GOLIM4: variants seen among roughly 807,000 people sequenced by gnomAD.
GOLIM4 encodes 130 kDa golgi-localized phosphoprotein.
A neutral mutation model predicts 107.4 loss-of-function variants in GOLIM4; 71 were observed. The observed-to-expected ratio is 0.66, with a 90% CI of 0.55 to 0.81. The LOEUF is 0.81. Among genes scored for constraint, GOLIM4 ranks in the 30% least tolerant of loss-of-function variants. The pLI is 0.00. For missense variants in GOLIM4, 830 were observed against 826.1 expected, an observed-to-expected ratio of 1.00 and a Z score of -0.06; for synonymous variants, 327 against 294.8, an observed-to-expected ratio of 1.11 and a Z score of -1.12.
intron 6 of GOLIM4, chr3:168,041,076 T>C (rs188444339): frequency 4.0e-6 from 2 of 504,550 alleles, no homozygotes; most frequent in Admixed American, 7.2e-5. Flanking sequence ...AATATCATAA[T>C]CATTTATTTA....
intron 8 of GOLIM4, among the ~76,000 whole-genome samples, chr3:168,034,852 GC>G (rs1718552114): frequency 6.6e-6 from 1 of 152,206 alleles, no homozygotes; most frequent in Non-Finnish European, 1.5e-5. Context: ...TCTGCCTGCT[GC>G]CATCCATGGA....
In GOLIM4 at chr3:168,048,373, A is replaced by G. The variant is rs748436034; in HGVS notation, c.188-8T>C. On this transcript the variant is annotated splice_region_variant and splice_polypyrimidine_tract_variant and intron_variant, in intron 1 of 15. Transcript: ENST00000470487. ...ATCTGTGTTCATATACAACTGGAAA[A>G]AAAGTTAACATTTTTGTCTTCAAAG... 1.5e-6 allele frequency: 2 copies of G among 1,371,378 alleles called. No homozygotes were observed. The highest frequency in any genetic ancestry group is 4.3e-5 in the Admixed American group (2 of 46,658). The allele number at this position is 1,371,378 out of a possible 1,614,324, so 85.0% of individuals were successfully genotyped here.
At chr3:168,089,697 G>A (rs1001972068) in intron 1 of GOLIM4, among the ~76,000 whole-genome samples, 4 of 151,414 alleles carry the variant, frequency 2.6e-5, no homozygotes, top group African/African-American at 9.7e-5. Context: ...TACTACATAG[G>A]TACTACCAGG....
intron 10 of GOLIM4, 61 bp from the exon 11 acceptor site, chr3:168,029,363 T>C: frequency 2.9e-6 from 3 of 1,016,980 alleles, no homozygotes; most frequent in East Asian, 4.8e-5. Flanking sequence ...CAGTTTGACA[T>C]AGGTCATTTA....
At chr3:168,077,511 C>T (rs774724489) in intron 1 of GOLIM4, among the ~76,000 whole-genome samples, 1 of 152,206 alleles carries the variant, frequency 6.6e-6, no homozygotes, top group Non-Finnish European at 1.5e-5. Context: ...CAGCCAAGCC[C>T]TGCCCACCAT....
At chr3:168,057,152 C>A (rs1452152612) in intron 1 of GOLIM4, among the ~76,000 whole-genome samples, 4 of 152,154 alleles carry the variant, frequency 2.6e-5, no homozygotes, top group Non-Finnish European at 5.9e-5. Context: ...AAAGGAGTTT[C>A]CCTGCACAAG....
chr3:168,049,059 T>C (rs547027721), intron 1 of GOLIM4, among the ~76,000 whole-genome samples: 9 of 152,306 alleles, frequency 5.9e-5, no homozygotes, highest in Admixed American at 2.6e-4. Flanking sequence ...CAAACCGATG[T>C]TCGGTTCTGT....
chr3:168,044,939 A>G, intron 3 of GOLIM4, 58 bp from the exon 4 acceptor site: 2 of 954,066 alleles, frequency 2.1e-6, no homozygotes, highest in Non-Finnish European at 3.2e-6. Context: ...CTTGTTAAAT[A>G]CAGCTTAAAG....
intron 1 of GOLIM4, among the ~76,000 whole-genome samples, chr3:168,057,981 A>G (rs1286599791): frequency 1.3e-5 from 2 of 152,224 alleles, no homozygotes; most frequent in Non-Finnish European, 2.9e-5. Flanking sequence ...CATGTCCCAG[A>G]AAAGAGATAG....
In GOLIM4 at chr3:168,020,387, G is replaced by A. The variant is rs141838168; in HGVS notation, c.1860+4139C>T. ...TCTCTAAACAGTATGATCCTGAGCC[G>A]TCAGAATCAGCTGGTGGTGGGCGGG... On this transcript the variant is annotated intron_variant, in intron 14 of 15. Coordinates refer to ENST00000470487, the MANE Select transcript of GOLIM4 (RefSeq NM_014498.5). Among the ~76,000 whole-genome samples, 232 of 152,258 alleles carry A rather than the reference G, an allele frequency of 1.5e-3. No individual in the cohort carries two copies. The East Asian group carries it at 0.019, about 12-fold the overall frequency.
intron 1 of GOLIM4, among the ~76,000 whole-genome samples, chr3:168,082,454 C>T (rs981728309): frequency 5.9e-5 from 9 of 152,106 alleles, no homozygotes; most frequent in African/African-American, 2.2e-4. Flanking sequence ...TATGTACTCA[C>T]AAATACTACC....
intron 1 of GOLIM4, among the ~76,000 whole-genome samples, chr3:168,068,041 C>T (rs1402254341): frequency 6.6e-6 from 1 of 152,004 alleles, no homozygotes; most frequent in Non-Finnish European, 1.5e-5. Flanking sequence ...TAATTTTACA[C>T]ATTTTTAACT....
intron 1 of GOLIM4, among the ~76,000 whole-genome samples, chr3:168,087,114 C>A (rs1281957969): frequency 6.6e-6 from 1 of 152,136 alleles, no homozygotes; most frequent in Admixed American, 6.5e-5. Context: ...TACACTCATG[C>A]AAAACCTGTA....
intron 7 of GOLIM4, among the ~76,000 whole-genome samples, chr3:168,037,350 A>G (rs188376912): frequency 6.6e-6 from 1 of 152,274 alleles, no homozygotes; most frequent in African/African-American, 2.4e-5. Flanking sequence ...AAACTCATAT[A>G]ATTATAAAAA....
intron 1 of GOLIM4, among the ~76,000 whole-genome samples, chr3:168,062,557 G>A (rs1000378434): frequency 5.3e-5 from 8 of 152,000 alleles, no homozygotes; most frequent in East Asian, 1.9e-4. Flanking sequence ...ATACCTAACC[G>A]CATTAAACAG....
chr3:168,010,492 G>A, intron 15 of GOLIM4, 74 bp from the exon 16 acceptor site: 1 of 1,075,548 alleles, frequency 9.3e-7, no homozygotes, highest in South Asian at 1.5e-5. Flanking sequence ...TCTAAAAACA[G>A]GATGAAAAAT....
chr3:168,047,076 C>T, intron 2 of GOLIM4, 77 bp from the exon 3 acceptor site: 1 of 684,194 alleles, frequency 1.5e-6, no homozygotes, highest in Non-Finnish European at 2.5e-6. Flanking sequence ...TAAAGGCAAA[C>T]TTCACTCATG....
chr3:168,018,688 T>C (rs1021156589), intron 14 of GOLIM4, among the ~76,000 whole-genome samples: 1 of 152,186 alleles, frequency 6.6e-6, no homozygotes, highest in African/African-American at 2.4e-5. Flanking sequence ...ACTTCAGGCC[T>C]ATCTTAAGGT....
chr3:168,032,682 C>T lies in GOLIM4; in HGVS notation c.1014G>A (p.Glu338=). The change falls in exon 9 of 16, where the codon GAG becomes GAA. Residue 338 remains glutamate (E), a synonymous_variant. Coordinates refer to ENST00000470487, the MANE Select transcript of GOLIM4 (RefSeq NM_014498.5). ...CTTCCTCCTCCAGGGCCTTTCTGTG[C>T]TCCTCTTCCACCTGATGCTCCTCAG... ...REPEEHQVEE[E]HRKALEEEEM... is the part of the protein sequence containing the mutation. 6.2e-7 allele frequency: 1 copy of T among 1,614,080 alleles called. No homozygotes were observed. Among genetic ancestry groups the T allele is most frequent in the Non-Finnish European group, 8.5e-7 (1 of 1,180,016 alleles).
Sources: allele counts gnomAD v4.1 joint callset (sites outside exome capture counted in the v4.1 genomes callset), GRCh38; gene constraint gnomAD v4.1.1; transcripts MANE v1.5; gene names NCBI Gene and HGNC (gene_info 2026-07-23, HGNC 2026-07-21).